The following KIFAP3 variants were observed in gnomAD, a reference collection of about 807,000 sequenced individuals.
KIFAP3 encodes kinesin-associated protein 3.
A neutral mutation model predicts 106.5 loss-of-function variants in KIFAP3; 68 were observed. The observed-to-expected ratio is 0.64, with a 90% CI of 0.53 to 0.78. The LOEUF is 0.78. Ranked by LOEUF, KIFAP3 falls within the 30% of genes least tolerant of loss-of-function variation. The pLI is 0.00. For missense variants in KIFAP3, 780 were observed against 941.8 expected (o/e 0.83, Z 2.25); for synonymous variants, 320 against 311.5 (o/e 1.03, Z -0.29).
At chr1:169,953,970 A>G (rs1236667472) in intron 19 of KIFAP3, 41 bp downstream of exon 19, 1 of 1,374,934 alleles carries the variant, frequency 7.3e-7, no homozygotes, top group African/African-American at 1.4e-5. Context: ...TCCAAAAGCA[A>G]CAGATACTAC....
chr1:169,978,305 A>G, intron 15 of KIFAP3, 122 bp from the exon 16 acceptor site: 1 of 616,302 alleles, frequency 1.6e-6, no homozygotes, highest in Non-Finnish European at 2.8e-6. Context: ...GCAAGCAGAA[A>G]TGGATTTAAC....
At chr1:169,974,831 A>T (rs1666141464) in intron 16 of KIFAP3, among the ~76,000 whole-genome samples, 1 of 151,918 alleles carries the variant, frequency 6.6e-6, no homozygotes. Context: ...AAAATTCTCA[A>T]GGGGAATCTA....
intron 19 of KIFAP3, among the ~76,000 whole-genome samples, chr1:169,926,577 T>C (rs1663143031): frequency 6.6e-6 from 1 of 152,014 alleles, no homozygotes; most frequent in Non-Finnish European, 1.5e-5. Flanking sequence ...ACTGTGTATA[T>C]ATGTGTATAT....
chr1:170,014,644 T>C (rs1668415304), intron 10 of KIFAP3, among the ~76,000 whole-genome samples: 1 of 152,138 alleles, frequency 6.6e-6, no homozygotes, highest in African/African-American at 2.4e-5. Context: ...TGGTAGAGTA[T>C]CAACATTTTA....
intron 10 of KIFAP3, among the ~76,000 whole-genome samples, chr1:170,005,982 C>T (rs1280971582): frequency 6.6e-6 from 1 of 152,144 alleles, no homozygotes; most frequent in African/African-American, 2.4e-5. Context: ...GAGTCTTTCC[C>T]TTCCTTTTCT....
chr1:170,079,420 A>T (rs759913151), upstream of KIFAP3, among the ~76,000 whole-genome samples: 7 of 152,222 alleles, frequency 4.6e-5, no homozygotes, highest in Non-Finnish European at 7.3e-5. Context: ...CTTTATAGCA[A>T]CACATATGAA....
intron 19 of KIFAP3, among the ~76,000 whole-genome samples, chr1:169,943,396 T>C (rs1664247055): frequency 6.6e-6 from 1 of 152,130 alleles, no homozygotes. Flanking sequence ...AAGACAACAA[T>C]AGGCTAGATT....
In KIFAP3 at chr1:169,972,541, A is replaced by G; in HGVS notation, c.1955T>C (p.Val652Ala). The change falls in exon 17 of 20, where the codon GTC becomes GCC. Residue 652 changes from valine to alanine, a missense_variant. Physicochemically the swap from Val to Ala is moderately conservative, Grantham distance 64. Coordinates refer to ENST00000361580, the MANE Select transcript of KIFAP3 (RefSeq NM_014970.4). ...MHDKNNEIRK[V>A]CDNTLDIIAE... is the part of the protein sequence containing the mutation. ...TATAATATCTAATGTATTATCACAG[A>G]CCTTTCGGATTTCATTATTCTTATC... 1 of 1,544,780 alleles carries G rather than the reference A, an allele frequency of 6.5e-7. No individual in the cohort carries two copies. The highest frequency in any genetic ancestry group is 8.9e-7 in the Non-Finnish European group (1 of 1,121,016).
chr1:170,062,609 A>AT (rs1388063666), intron 1 of KIFAP3, among the ~76,000 whole-genome samples: 1 of 151,898 alleles, frequency 6.6e-6, no homozygotes, highest in Non-Finnish European at 1.5e-5. Context: ...TTATTTTTGT[A>AT]TTTTTGTGGG....
At chr1:170,024,975 T>C (rs1024727976) in intron 8 of KIFAP3, among the ~76,000 whole-genome samples, 9 of 152,082 alleles carry the variant, frequency 5.9e-5, no homozygotes, top group African/African-American at 2.2e-4. Context: ...TTTTTACACA[T>C]ATAGAAAACA....
chr1:170,031,845 T>G (rs1669427369), intron 8 of KIFAP3, 41 bp downstream of exon 8: 1 of 1,211,564 alleles, frequency 8.3e-7, no homozygotes, highest in South Asian at 1.3e-5. Context: ...GTATTTGGAG[T>G]AAGTACTTTG....
At chr1:169,997,805 G>A (rs1376535564) in intron 10 of KIFAP3, among the ~76,000 whole-genome samples, 1 of 148,232 alleles carries the variant, frequency 6.7e-6, no homozygotes, top group African/African-American at 2.5e-5. Context: ...GGGAGATGGT[G>A]GTTGCAGTGA....
Position 170,029,993 on chromosome 1 carries a change from C to A in KIFAP3, c.841+1893G>T, listed in dbSNP as rs147948550. ...AAAATTAACTCAAAATATATTATAGCCTTAACTAAACTCTGAGACTATACA... is the reference window on the plus strand; with the variant it reads ...AAAATTAACTCAAAATATATTATAGACTTAACTAAACTCTGAGACTATACA... On this transcript the variant is annotated intron_variant, in intron 8 of 19. Coordinates refer to ENST00000361580, the MANE Select transcript of KIFAP3 (RefSeq NM_014970.4). Among the ~76,000 whole-genome samples the A allele has an allele frequency of 2.9e-3, 442 of 151,952 alleles. 1 individual carries two copies. The highest frequency in any genetic ancestry group is 8.8e-3 in the African/African-American group (365 of 41,534).
At chr1:170,048,907 G>T (rs1013235381) in intron 2 of KIFAP3, among the ~76,000 whole-genome samples, 2 of 152,150 alleles carry the variant, frequency 1.3e-5, no homozygotes, top group African/African-American at 4.8e-5. Context: ...GTGGCTGTTT[G>T]GGCAGGCACC....
chr1:170,021,491 G>T (rs1029979480), intron 9 of KIFAP3, among the ~76,000 whole-genome samples: 6 of 145,600 alleles, frequency 4.1e-5, no homozygotes, highest in Non-Finnish European at 6.0e-5. Context: ...CCAGGCTGGA[G>T]TGCAGTGACA....
At chr1:170,069,574 C>T (rs113204554) in intron 1 of KIFAP3, among the ~76,000 whole-genome samples, 10 of 152,210 alleles carry the variant, frequency 6.6e-5, no homozygotes, top group African/African-American at 2.4e-4. Context: ...ACATGATTAT[C>T]TCAATCGATG....
intron 19 of KIFAP3, 116 bp from the exon 20 acceptor site, chr1:169,921,897 T>A (rs544733595): frequency 1.7e-5 from 12 of 717,734 alleles, no homozygotes; most frequent in African/African-American, 4.0e-5. Context: ...GGATAGTGAT[T>A]TAGGTGGATA....
intron 10 of KIFAP3, among the ~76,000 whole-genome samples, chr1:170,000,939 A>G (rs1390771848): frequency 6.6e-6 from 1 of 152,130 alleles, no homozygotes; most frequent in African/African-American, 2.4e-5. Flanking sequence ...GTAATTTTTT[A>G]TGTCCAATTA....
At chr1:169,972,640 G>T in intron 16 of KIFAP3, 42 bp from the exon 17 acceptor site, 1 of 974,434 alleles carries the variant, frequency 1.0e-6, no homozygotes, top group Non-Finnish European at 1.6e-6. Flanking sequence ...ATTTGATATT[G>T]TGGCTAGTCA....
Sources: gnomAD v4.1 joint callset for allele counts (sites outside exome capture counted in the v4.1 genomes callset) on GRCh38, gnomAD v4.1.1 for gene constraint, MANE v1.5 for transcripts, NCBI Gene and HGNC (gene_info 2026-07-23, HGNC 2026-07-21) for gene names.